Variants in RBMS3 observed in about 807,000 individuals in gnomAD.
RBMS3 encodes RNA-binding motif, single-stranded-interacting protein 3.
A neutral mutation model predicts 66.8 loss-of-function variants in RBMS3; 27 were observed. The ratio of observed to expected loss-of-function variants is 0.40; its 90% CI spans 0.30 to 0.56. The LOEUF is 0.56. Ranked by LOEUF, RBMS3 falls within the 20% of genes least tolerant of loss-of-function variation. RBMS3 has a pLI of 0.40. For missense variants in RBMS3, 513 were observed against 549.5 expected (o/e 0.93, Z 0.66); for synonymous variants, 188 against 183.0 (o/e 1.03, Z -0.22).
At chr3:29,961,206 T>A (rs1272855037) in intron 12 of RBMS3, among the ~76,000 whole-genome samples, 1 of 152,150 alleles carries the variant, frequency 6.6e-6, no homozygotes. Flanking sequence ...GCAAAATGCC[T>A]CCAGTCTCTT....
At chr3:29,495,417 C>CTTT (rs775377508) in intron 3 of RBMS3, among the ~76,000 whole-genome samples, 94 of 111,832 alleles carry the variant, frequency 8.4e-4, no homozygotes, top group East Asian at 1.0e-3. Flanking sequence ...ATATTTCTTT[C>CTTT]TTTTTTTTTT....
At chr3:29,692,192 G>T (rs2052056374) in intron 4 of RBMS3, among the ~76,000 whole-genome samples, 1 of 151,864 alleles carries the variant, frequency 6.6e-6, no homozygotes, top group Non-Finnish European at 1.5e-5. Context: ...ATGTTGGTCA[G>T]TGTGGTCTCA....
At chr3:29,294,022 T>C (rs1430018085) in intron 1 of RBMS3, among the ~76,000 whole-genome samples, 3 of 151,832 alleles carry the variant, frequency 2.0e-5, no homozygotes, top group Admixed American at 1.3e-4. Flanking sequence ...TTCCAGATCA[T>C]ATTTGTGTCA....
In RBMS3 at chr3:29,844,083, T is replaced by C. The variant is rs372596544; in HGVS notation, c.638-24775T>C. The stretch of plus-strand genomic sequence containing the variant: ...TTGGTTCATATTAAAATATGTAGTT[T>C]TACATTATTTGCTTTTGGTAGAAGT... On this transcript the variant is annotated intron_variant, in intron 6 of 14. Coordinates refer to ENST00000383767, the MANE Select transcript of RBMS3 (RefSeq NM_001003793.3). Among the ~76,000 whole-genome samples, 3 of 152,356 alleles carry C rather than the reference T, an allele frequency of 2.0e-5. No individual in the cohort carries two copies. In the South Asian group the frequency reaches 6.2e-4, roughly 32 times the overall value.
intron 1 of RBMS3, among the ~76,000 whole-genome samples, chr3:29,393,481 A>G (rs1559544230): frequency 6.6e-6 from 1 of 152,164 alleles, no homozygotes; most frequent in Non-Finnish European, 1.5e-5. Context: ...AAATCATCAG[A>G]AGGAGAAAAT....
In RBMS3 at chr3:29,387,053, C is replaced by T. The variant is rs532938803; in HGVS notation, c.76-47690C>T. Among the ~76,000 whole-genome samples the T allele has an allele frequency of 3.3e-5, 5 of 152,282 alleles. No individual in the cohort carries two copies. The South Asian group carries it at 6.2e-4, about 19-fold the overall frequency. On this transcript the variant is annotated intron_variant, in intron 1 of 14. Transcript: ENST00000383767. ...TTCTCAATCTCGCCAGCTTGATTTC[C>T]CTTATTTCAATTCTAGGGGATTCTG...
chr3:29,915,283 T>C (rs2060610968), intron 10 of RBMS3, among the ~76,000 whole-genome samples: 1 of 151,948 alleles, frequency 6.6e-6, no homozygotes, highest in Non-Finnish European at 1.5e-5. Context: ...TGGTTGATGC[T>C]GGTAATGAGA....
intron 12 of RBMS3, among the ~76,000 whole-genome samples, chr3:29,967,008 G>A (rs1696894653): frequency 6.6e-6 from 1 of 152,188 alleles, no homozygotes; most frequent in Non-Finnish European, 1.5e-5. Flanking sequence ...ACTTGTGTAT[G>A]TTAAACCATC....
chr3:29,527,190 A>T lies in RBMS3; in HGVS notation c.307+38691A>T, dbSNP rs1461501612. On this transcript the variant is annotated intron_variant, in intron 3 of 14. Coordinates refer to ENST00000383767, the MANE Select transcript of RBMS3 (RefSeq NM_001003793.3). ...TGATTGTTAGGTAGAGTAAAAAAAA[A>T]AAAAAAAAAAAAAAAAAAAAGATGG... Among the ~76,000 whole-genome samples the T allele has an allele frequency of 1.4e-4, 21 of 148,224 alleles. 1 individual carries two copies. Among genetic ancestry groups the T allele is most frequent in the African/African-American group, 2.7e-4 (11 of 40,472 alleles).
At chr3:29,862,545 C>G (rs1413494162) in intron 6 of RBMS3, among the ~76,000 whole-genome samples, 2 of 152,006 alleles carry the variant, frequency 1.3e-5, no homozygotes, top group African/African-American at 4.8e-5. Flanking sequence ...CAAATACACA[C>G]TAGATAATAT....
chr3:29,362,078 C>T (rs1009624450), intron 1 of RBMS3, among the ~76,000 whole-genome samples: 15 of 152,242 alleles, frequency 9.9e-5, no homozygotes, highest in African/African-American at 2.9e-4. Flanking sequence ...CAGCTTTGTT[C>T]CATTGCTGGT....
At chr3:29,819,328 G>A (rs1346710896) in intron 6 of RBMS3, among the ~76,000 whole-genome samples, 1 of 152,104 alleles carries the variant, frequency 6.6e-6, no homozygotes, top group African/African-American at 2.4e-5. Context: ...CTTCTCTGGT[G>A]GCAATAAAAA....
intron 1 of RBMS3, among the ~76,000 whole-genome samples, chr3:29,378,353 T>C: frequency 6.6e-6 from 1 of 151,986 alleles, no homozygotes; most frequent in East Asian, 1.9e-4. Context: ...GCACCTGTAG[T>C]CCCAGCTACC....
intron 14 of RBMS3, 114 bp downstream of exon 14, chr3:29,991,323 C>T: frequency 1.3e-6 from 2 of 1,515,396 alleles, no homozygotes; most frequent in Admixed American, 1.9e-5. Flanking sequence ...AACTTAGCAA[C>T]AGGCATTTAT....
At chr3:29,806,001 T>A (rs1381072518) in intron 6 of RBMS3, among the ~76,000 whole-genome samples, 1 of 152,040 alleles carries the variant, frequency 6.6e-6, no homozygotes, top group East Asian at 1.9e-4. Flanking sequence ...TTTAATACTT[T>A]GTAACATATT....
chr3:29,578,723 G>T (rs572290127), intron 3 of RBMS3, among the ~76,000 whole-genome samples: 4 of 151,288 alleles, frequency 2.6e-5, no homozygotes, highest in African/African-American at 7.3e-5. Context: ...CAAGTGACAA[G>T]TTGGCGGAGG....
intron 12 of RBMS3, among the ~76,000 whole-genome samples, chr3:29,947,302 A>G (rs1006080130): frequency 6.6e-6 from 1 of 151,698 alleles, no homozygotes; most frequent in South Asian, 2.1e-4. Context: ...AAGTGGGGGT[A>G]TCTTGCATAT....
At chr3:29,796,148 G>A (rs564184663) in intron 6 of RBMS3, among the ~76,000 whole-genome samples, 88 of 152,246 alleles carry the variant, frequency 5.8e-4, no homozygotes, top group Middle Eastern at 3.4e-3. Context: ...ATACTGTAGC[G>A]TATTAAGTGA....
intron 11 of RBMS3, among the ~76,000 whole-genome samples, chr3:29,936,549 CT>C (rs1204634615): frequency 6.6e-6 from 1 of 152,084 alleles, no homozygotes; most frequent in Non-Finnish European, 1.5e-5. Context: ...TTCCCAGCTG[CT>C]TACCAGCTCA....
Sources: gnomAD v4.1 joint callset for allele counts (sites outside exome capture counted in the v4.1 genomes callset) on GRCh38, gnomAD v4.1.1 for gene constraint, MANE v1.5 for transcripts, NCBI Gene and HGNC (gene_info 2026-07-23, HGNC 2026-07-21) for gene names.